DNAH8: variants seen among roughly 807,000 people sequenced by gnomAD.
DNAH8 encodes the protein axonemal beta dynein heavy chain 8.
In DNAH8, 382 loss-of-function variants were observed where a neutral mutation model predicts 562.1. The observed-to-expected ratio is 0.68, with a 90% CI of 0.63 to 0.74. The LOEUF is 0.74. DNAH8 is among the 30% of genes least tolerant of loss of function. DNAH8 has a pLI of 0.00. For missense variants in DNAH8, 5,203 were observed against 5,620.4 expected (o/e 0.93, Z 2.37); for synonymous variants, 1,881 against 1,919.4 (o/e 0.98, Z 0.52).
chr6:38,741,616 T>C, intron 7 of DNAH8, 95 bp from the exon 8 acceptor site: 10 of 1,066,004 alleles, frequency 9.4e-6, no homozygotes, highest in Non-Finnish European at 1.2e-5. Flanking sequence ...TATTGAACAT[T>C]ATTTATACTT....
chr6:38,779,806 A>G (rs1226499278), intron 14 of DNAH8, among the ~76,000 whole-genome samples, 160 bp from the exon 15 acceptor site: 1 of 152,246 alleles, frequency 6.6e-6, no homozygotes, highest in Non-Finnish European at 1.5e-5. Context: ...CAAGAGAACC[A>G]GGACTGTACC....
chr6:38,842,737 G>A lies in DNAH8; in HGVS notation c.4679G>A (p.Ser1560Asn), dbSNP rs1562964838. Residue 1560 changes from serine to asparagine, a missense_variant, in exon 35 of 93, where the codon AGT becomes AAT. This residue lies in a region of DNAH8 where 2,176 missense variants were observed against 2,365.1 expected (regional missense o/e 0.92). Coordinates refer to ENST00000327475, the MANE Select transcript of DNAH8 (RefSeq NM_001206927.2). ...LDLKKRIDDFSESCPLLEMMT... is the reference protein window; with the variant it reads ...LDLKKRIDDFNESCPLLEMMT... ...CTCAAAAAGAGAATTGATGATTTCA[G>A]TGAGTCATGTCCTCTACTGGAAATG... 1.2e-6 allele frequency: 2 copies of A among 1,613,872 alleles called. No homozygotes were observed. Among genetic ancestry groups the A allele is most frequent in the Non-Finnish European group, 1.7e-6 (2 of 1,179,908 alleles).
At position 38,969,062 on chromosome 6, in the gene DNAH8, A is replaced by G. The variant is rs371042755; in HGVS notation, c.12452-2530A>G. Among the ~76,000 whole-genome samples, 3 of 152,310 alleles carry G rather than the reference A, an allele frequency of 2.0e-5. No individual in the cohort carries two copies. The South Asian group carries it at 6.2e-4, about 32-fold the overall frequency. ...ATATTGCATAATTCCATTTAATGAA[A>G]TGTCTGGAATAGAGACAAAGTAGAT... On this transcript the variant is annotated intron_variant, in intron 82 of 92. Transcript: ENST00000327475.
In DNAH8 at chr6:38,852,083, C is replaced by A. The variant is rs547032747; in HGVS notation, c.5466+409C>A. On this transcript the variant is annotated intron_variant, in intron 39 of 92. Transcript: ENST00000327475. ...TTATGAGTATTTTATTCTAAATATT[C>A]TTAGACCAAATAGGGATTATATTTT... Among the ~76,000 whole-genome samples, 3 of 152,240 alleles carry A rather than the reference C, an allele frequency of 2.0e-5. No individual in the cohort carries two copies. The South Asian group carries it at 6.2e-4, about 32-fold the overall frequency.
chr6:38,969,493 C>T (rs1427336529), intron 82 of DNAH8, among the ~76,000 whole-genome samples: 1 of 151,898 alleles, frequency 6.6e-6, no homozygotes, highest in East Asian at 1.9e-4. Context: ...GGGGAAGGGA[C>T]AGAGTGATGG....
intron 10 of DNAH8, among the ~76,000 whole-genome samples, chr6:38,760,148 A>G (rs186986783): frequency 3.9e-5 from 6 of 152,176 alleles, no homozygotes; most frequent in African/African-American, 1.4e-4. Context: ...TCTTGGATTC[A>G]TTATTTCTTT....
chr6:38,715,755 T>G (rs1762224442), intron 1 of DNAH8, among the ~76,000 whole-genome samples: 1 of 146,746 alleles, frequency 6.8e-6, no homozygotes, highest in Admixed American at 6.7e-5. Context: ...CTTCGGAGAC[T>G]CAGAAGGGGA....
At chr6:38,970,564 C>A (rs1313628949) in intron 82 of DNAH8, among the ~76,000 whole-genome samples, 1 of 152,208 alleles carries the variant, frequency 6.6e-6, no homozygotes, top group Non-Finnish European at 1.5e-5. Context: ...ACCCTGCAGA[C>A]CCTCTCAGAA....
intron 20 of DNAH8, 22 bp from the exon 21 acceptor site, chr6:38,791,533 C>G: frequency 6.3e-7 from 1 of 1,584,830 alleles, no homozygotes; most frequent in Non-Finnish European, 8.5e-7. Flanking sequence ...GTTTTTTTTT[C>G]TTACATTTTT....
chr6:38,908,711 C>A (rs1780666139), intron 64 of DNAH8, among the ~76,000 whole-genome samples: 1 of 152,108 alleles, frequency 6.6e-6, no homozygotes, highest in African/African-American at 2.4e-5. Flanking sequence ...TGCCACCATG[C>A]CCAGTTAATT....
intron 26 of DNAH8, among the ~76,000 whole-genome samples, chr6:38,821,919 G>C (rs1772888039): frequency 6.6e-6 from 1 of 152,252 alleles, no homozygotes; most frequent in South Asian, 2.1e-4. Flanking sequence ...CTCATTATTA[G>C]AACTGATGCT....
At chr6:38,806,696 G>A (rs1338479536) in intron 23 of DNAH8, among the ~76,000 whole-genome samples, 1 of 151,978 alleles carries the variant, frequency 6.6e-6, no homozygotes, top group African/African-American at 2.4e-5. Flanking sequence ...CAGGAGAATG[G>A]CGTGAACCCG....
At chr6:38,727,019 G>A (rs1409592044) in intron 3 of DNAH8, among the ~76,000 whole-genome samples, 2 of 151,702 alleles carry the variant, frequency 1.3e-5, no homozygotes, top group Non-Finnish European at 1.5e-5. Flanking sequence ...CACCACACCC[G>A]GCTAATTTTT....
chr6:38,817,321 C>A (rs976496472), intron 26 of DNAH8, among the ~76,000 whole-genome samples: 1 of 152,132 alleles, frequency 6.6e-6, no homozygotes, highest in Non-Finnish European at 1.5e-5. Flanking sequence ...ACAGCCAGAG[C>A]AACAGAGGGA....
intron 45 of DNAH8, among the ~76,000 whole-genome samples, 194 bp downstream of exon 45, chr6:38,864,254 T>C (rs1776871815): frequency 6.6e-6 from 1 of 152,074 alleles, no homozygotes; most frequent in Non-Finnish European, 1.5e-5. Context: ...TTAAAAAAAA[T>C]TCAGATCCAG....
rs773813506 is a variant in DNAH8, at chr6:38,828,309, A to G, written c.4188+21A>G. ...AAGCTGTAAGTATGAATTTAACTACATTATTTTTTCTTAAGTCACTATCTC... is the reference window on the plus strand; with the variant it reads ...AAGCTGTAAGTATGAATTTAACTACGTTATTTTTTCTTAAGTCACTATCTC... On this transcript the variant is annotated intron_variant, in intron 30 of 92. Transcript: ENST00000327475. 4 of 1,430,996 alleles carry G rather than the reference A, an allele frequency of 2.8e-6. No individual in the cohort carries two copies. The African/African-American group carries it at 4.3e-5, about 16-fold the overall frequency. The allele number at this position is 1,430,996 out of a possible 1,614,324, so 88.6% of individuals were successfully genotyped here.
At position 38,790,307 on chromosome 6, in the gene DNAH8, CA is replaced by C. The variant is rs1250753880; in HGVS notation, c.2685del (p.Gly896AspfsTer5). 5.6e-6 allele frequency: 9 copies of C among 1,606,190 alleles called. No homozygotes were observed. Among genetic ancestry groups the C allele is most frequent in the Non-Finnish European group, 6.8e-6 (8 of 1,175,904 alleles). On this transcript the variant is annotated frameshift_variant, in exon 20 of 93. Coordinates refer to ENST00000327475, the MANE Select transcript of DNAH8 (RefSeq NM_001206927.2). LOFTEE classifies it high-confidence loss of function. ...TTTCTAGGTGGAATCTGTGTTGAGG[CA>C]AGGACTCACAGTGTTAACATGGTCG... ...KMKKVESVLR[Q>X]GLTVLTWSSL...
chr6:38,937,934 C>A (rs771119360), intron 77 of DNAH8, 40 bp from the exon 78 acceptor site: 3 of 1,583,902 alleles, frequency 1.9e-6, no homozygotes, highest in South Asian at 2.3e-5. Context: ...TTGCAAGTTT[C>A]CCGTCTTGTG....
intron 89 of DNAH8, among the ~76,000 whole-genome samples, chr6:39,009,340 G>A (rs1766024337): frequency 6.6e-6 from 1 of 151,280 alleles, no homozygotes. Flanking sequence ...AGGCCAAAAA[G>A]CAATGGTGTT....
Sources: gnomAD v4.1 joint callset for allele counts (sites outside exome capture counted in the v4.1 genomes callset) on GRCh38, gnomAD v4.1.1 for gene constraint, gnomAD v4.1.1 regional missense constraint, MANE v1.5 for transcripts, NCBI Gene and HGNC (gene_info 2026-07-23, HGNC 2026-07-21) for gene names.